Variants in PHACTR4 observed in about 807,000 individuals in gnomAD.
The protein encoded by PHACTR4 is phosphatase and actin regulator 4.
In PHACTR4, 51 loss-of-function variants were observed where a neutral mutation model predicts 72.7. The ratio of observed to expected loss-of-function variants is 0.70; its 90% CI spans 0.56 to 0.89. The LOEUF (loss-of-function observed/expected upper bound fraction) is 0.89. PHACTR4 is among the 40% of genes least tolerant of loss of function. The pLI is 0.00. For missense variants in PHACTR4, 731 were observed against 861.8 expected (o/e 0.85, Z 1.90); for synonymous variants, 255 against 302.5 (o/e 0.84, Z 1.63).
At chr1:28,421,951 A>G (rs1042744964) in intron 2 of PHACTR4, among the ~76,000 whole-genome samples, 2 of 152,236 alleles carry the variant, frequency 1.3e-5, no homozygotes, top group Non-Finnish European at 2.9e-5. Flanking sequence ...GGATGGATGT[A>G]TGATTGGCTG....
chr1:28,416,954 A>C (rs1655142035), intron 2 of PHACTR4, among the ~76,000 whole-genome samples: 1 of 152,012 alleles, frequency 6.6e-6, no homozygotes, highest in African/African-American at 2.4e-5. Flanking sequence ...TATGGTACAA[A>C]GTTGGAAATA....
intron 2 of PHACTR4, among the ~76,000 whole-genome samples, chr1:28,439,724 C>T (rs1358548408): frequency 6.6e-6 from 1 of 152,216 alleles, no homozygotes. Flanking sequence ...TCCTTCTCTT[C>T]TGCATTCCCT....
intron 1 of PHACTR4, among the ~76,000 whole-genome samples, chr1:28,387,958 C>T (rs779299772): frequency 6.6e-6 from 1 of 151,932 alleles, no homozygotes; most frequent in Non-Finnish European, 1.5e-5. Flanking sequence ...GAGCTCCTAA[C>T]CTCAGGTGAT....
intron 2 of PHACTR4, among the ~76,000 whole-genome samples, chr1:28,423,208 G>A (rs1297845143): frequency 6.6e-6 from 1 of 152,142 alleles, no homozygotes; most frequent in Non-Finnish European, 1.5e-5. Context: ...GGAGTTCAAG[G>A]CCTTTCTGGG....
At chr1:28,472,293 A>C (rs1043779015) in intron 6 of PHACTR4, among the ~76,000 whole-genome samples, 1 of 151,992 alleles carries the variant, frequency 6.6e-6, no homozygotes, top group African/African-American at 2.4e-5. Flanking sequence ...AGTTTGTAGT[A>C]TGATCTTGGG....
At chr1:28,408,842 ATTTTTTT>A (rs112708658) in intron 2 of PHACTR4, among the ~76,000 whole-genome samples, 2 of 130,408 alleles carry the variant, frequency 1.5e-5, no homozygotes, top group African/African-American at 5.7e-5. Flanking sequence ...TGCCCGACTG[ATTTTTTT>A]TTTTTTTTTT....
intron 2 of PHACTR4, chr1:28,438,002 G>T: frequency 3.7e-6 from 1 of 269,600 alleles, no homozygotes; most frequent in Non-Finnish European, 5.7e-6. Flanking sequence ...CTGTGACTCA[G>T]AGCCTGGAGC....
chr1:28,497,330 A>G lies in PHACTR4; in HGVS notation c.*781A>G, dbSNP rs1195342734. On this transcript the variant is annotated 3_prime_UTR_variant, in exon 14 of 14. Transcript: ENST00000373839. ...CACTTTGGGAGGCCGAGGTGGGTGG[A>G]TCACCTGAGGTCAGGAGTTCAAGAC... The G allele has an allele frequency of 3.3e-5, 5 of 151,952 alleles. No individual in the cohort carries two copies. The highest frequency in any genetic ancestry group is 1.2e-4 in the African/African-American group (5 of 41,366). The allele number at this position is 151,952 out of a possible 1,614,324, so 9.4% of individuals were successfully genotyped here. A position where few individuals can be genotyped will look rare whatever the true frequency, so the allele number is the denominator to read the frequency against.
At chr1:28,371,453 C>T (rs1241440950) in intron 1 of PHACTR4, among the ~76,000 whole-genome samples, 1 of 151,926 alleles carries the variant, frequency 6.6e-6, no homozygotes, top group East Asian at 1.9e-4. Flanking sequence ...TGCCACCATG[C>T]CCAGCTAGTT....
intron 2 of PHACTR4, among the ~76,000 whole-genome samples, chr1:28,440,975 G>A (rs1302071525): frequency 6.6e-6 from 1 of 151,986 alleles, no homozygotes; most frequent in East Asian, 1.9e-4. Context: ...ACTTAGTTTT[G>A]AGCTTTGAAA....
intron 1 of PHACTR4, among the ~76,000 whole-genome samples, chr1:28,392,658 G>C (rs962059417): frequency 5.3e-5 from 8 of 151,954 alleles, no homozygotes; most frequent in Non-Finnish European, 1.2e-4. Flanking sequence ...CTCCCAAAGT[G>C]CTGGGATTAC....
intron 1 of PHACTR4, among the ~76,000 whole-genome samples, chr1:28,397,194 C>T (rs1653578703): frequency 6.6e-6 from 1 of 152,114 alleles, no homozygotes; most frequent in Non-Finnish European, 1.5e-5. Flanking sequence ...AGCTTTAAGA[C>T]TGCCAACTAT....
At chr1:28,444,392 G>A (rs1331883150) in intron 2 of PHACTR4, among the ~76,000 whole-genome samples, 1 of 150,446 alleles carries the variant, frequency 6.6e-6, no homozygotes, top group African/African-American at 2.4e-5. Flanking sequence ...ACCATGACCA[G>A]CTAATTTTTG....
intron 1 of PHACTR4, among the ~76,000 whole-genome samples, chr1:28,370,822 G>A (rs915330669): frequency 1.2e-4 from 18 of 152,216 alleles, no homozygotes; most frequent in Non-Finnish European, 2.5e-4. Flanking sequence ...GGGCGTGGTG[G>A]CGCGCGCCTG....
intron 10 of PHACTR4, among the ~76,000 whole-genome samples, chr1:28,489,451 T>G (rs1219435908): frequency 6.6e-6 from 1 of 152,198 alleles, no homozygotes; most frequent in Non-Finnish European, 1.5e-5. Flanking sequence ...GAAAGCTTTG[T>G]TTCAGTGTTC....
intron 8 of PHACTR4, among the ~76,000 whole-genome samples, chr1:28,476,911 C>G (rs889807267): frequency 6.6e-6 from 1 of 150,444 alleles, no homozygotes; most frequent in Non-Finnish European, 1.5e-5. Context: ...GCTGGGATTA[C>G]AGGCATGTGC....
chr1:28,388,981 A>G (rs1234042473), intron 1 of PHACTR4, among the ~76,000 whole-genome samples: 1 of 152,228 alleles, frequency 6.6e-6, no homozygotes. Context: ...TATGACCCCA[A>G]AAGCACAGGC....
intron 2 of PHACTR4, among the ~76,000 whole-genome samples, chr1:28,454,123 C>A (rs1658187216): frequency 6.6e-6 from 1 of 151,872 alleles, no homozygotes; most frequent in Non-Finnish European, 1.5e-5. Context: ...GCTCTGGAGA[C>A]TGAGGCCAGA....
intron 1 of PHACTR4, among the ~76,000 whole-genome samples, chr1:28,376,283 A>G (rs1651661041): frequency 8.7e-5 from 13 of 150,060 alleles, no homozygotes; most frequent in Admixed American, 8.6e-4. Context: ...ACTGGACTCC[A>G]GCCTGGGTGA....
Sources: gnomAD v4.1 joint callset for allele counts (sites outside exome capture counted in the v4.1 genomes callset) on GRCh38, gnomAD v4.1.1 for gene constraint, MANE v1.5 for transcripts, NCBI Gene and HGNC (gene_info 2026-07-23, HGNC 2026-07-21) for gene names.